Variants in MIGA2 observed in about 807,000 individuals in gnomAD.
MIGA2 encodes the protein mitoguardin 2.
In MIGA2, 36 loss-of-function variants were observed where a neutral mutation model predicts 69.9. That is an observed-to-expected ratio of 0.52 (90% CI 0.39 to 0.68). MIGA2 has a LOEUF of 0.68. Ranked by LOEUF, MIGA2 falls within the 30% of genes least tolerant of loss-of-function variation. The probability of loss-of-function intolerance (pLI) is 0.00; values close to 1 mark genes in which losing one functional copy is unlikely to be tolerated. For synonymous variants in MIGA2, 333 were observed against 349.2 expected, an observed-to-expected ratio of 0.95 and a Z score of 0.52; for missense variants, 660 against 787.7, an observed-to-expected ratio of 0.84 and a Z score of 1.94.
chr9:129,037,876 A>C (rs1243580370), intron 1 of MIGA2, among the ~76,000 whole-genome samples: 1 of 152,116 alleles, frequency 6.6e-6, no homozygotes. Flanking sequence ...GTACTCGGTG[A>C]CCTCAGGCAG....
chr9:129,041,432 T>G (rs1844899888), intron 2 of MIGA2, among the ~76,000 whole-genome samples: 1 of 151,974 alleles, frequency 6.6e-6, no homozygotes, highest in African/African-American at 2.4e-5. Flanking sequence ...AAGCGGAGGT[T>G]GCAGTGAGTC....
chr9:129,052,371 C>T (rs1845594378), intron 6 of MIGA2, among the ~76,000 whole-genome samples: 2 of 152,090 alleles, frequency 1.3e-5, no homozygotes, highest in South Asian at 4.1e-4. Flanking sequence ...GATCCACCCG[C>T]CTCGGCCTCC....
At chr9:129,058,136 C>T (rs921807595) in intron 6 of MIGA2, among the ~76,000 whole-genome samples, 7 of 151,964 alleles carry the variant, frequency 4.6e-5, no homozygotes. Context: ...GTGGCTCACA[C>T]CTCTAATCCT....
rs1231546356 is a variant in MIGA2, at chr9:129,060,363, T to C, written c.794-187T>C. ...GTGGGTGTTGAAGGAGGTCACTCAC[T>C]GAGGCGAGGAGTCCAGCGTCCTCAC... On this transcript the variant is annotated intron_variant, in intron 7 of 15. Coordinates refer to ENST00000684074, the MANE Select transcript of MIGA2 (RefSeq NM_001329990.2). The surrounding 1 kb of genome is among the most constrained non-coding windows in gnomAD (Gnocchi z 4.8). 2 of 540,660 alleles carry C rather than the reference T, an allele frequency of 3.7e-6. No homozygotes were observed. Among genetic ancestry groups the C allele is most frequent in the South Asian group, 4.5e-5 (2 of 44,840 alleles). The allele number at this position is 540,660 out of a possible 1,614,324, so 33.5% of individuals were successfully genotyped here.
At chr9:129,064,339 T>C (rs1588411099) in intron 11 of MIGA2, among the ~76,000 whole-genome samples, 1 of 152,106 alleles carries the variant, frequency 6.6e-6, no homozygotes, top group East Asian at 1.9e-4. Flanking sequence ...CCCGAGTAGC[T>C]GGGACTACAG....
chr9:129,044,205 G>T (rs867058352), intron 3 of MIGA2, among the ~76,000 whole-genome samples: 1 of 151,544 alleles, frequency 6.6e-6, no homozygotes, highest in Non-Finnish European at 1.5e-5. Context: ...TGTTAGCCAG[G>T]CTGGTCTCGA....
At position 129,036,639 on chromosome 9, in the gene MIGA2, C is replaced by T. The variant is rs142576457; in HGVS notation, c.-186C>T. The T allele has an allele frequency of 8.9e-3, 1,468 of 165,658 alleles. 9 individuals carry two copies. Among genetic ancestry groups the T allele is most frequent in the Non-Finnish European group, 0.015 (1,034 of 68,144 alleles). The allele number at this position is 165,658 out of a possible 1,614,324, so 10.3% of individuals were successfully genotyped here. ...GGCGGCCGGTTTGGTTGCGCAGCCG[C>T]CGGGGAAGGAGACGCTGCCCTTCCG... On this transcript the variant is annotated 5_prime_UTR_variant, in exon 1 of 16. Transcript: ENST00000684074.
At position 129,048,488 on chromosome 9, in the gene MIGA2, C is replaced by A. The variant is rs979039946; in HGVS notation, c.369C>A (p.Ile123=). ...SSKSNDTLSG[I]SSIEPSKHSG... ...AGAGCAACGACACCCTGAGTGGCAT[C>A]TCTTCCATTGAGCCCAGCAAGCACT... Residue 123 remains isoleucine, a synonymous_variant, in exon 4 of 16, where the codon ATC becomes ATA. Transcript: ENST00000684074. The A allele has an allele frequency of 6.2e-7, 1 of 1,614,012 alleles. No homozygotes were observed. Among genetic ancestry groups the A allele is most frequent in the East Asian group, 2.2e-5 (1 of 44,896 alleles).
intron 10 of MIGA2, 42 bp from the exon 11 acceptor site, chr9:129,063,503 C>T (rs1588409291): frequency 1.2e-6 from 2 of 1,607,932 alleles, no homozygotes; most frequent in Non-Finnish European, 1.7e-6. Context: ...TGAGGGACTG[C>T]CGTGCCCGGC....
intron 1 of MIGA2, chr9:129,037,074 C>G: frequency 1.0e-6 from 1 of 999,708 alleles, no homozygotes. Flanking sequence ...GCCCAAGATG[C>G]CTGGGGTGGA....
intron 6 of MIGA2, among the ~76,000 whole-genome samples, chr9:129,056,024 A>C (rs1005647633): frequency 1.3e-5 from 2 of 150,514 alleles, no homozygotes; most frequent in Non-Finnish European, 2.9e-5. Context: ...GGTGGTGGGC[A>C]CCTGTAGCCC....
intron 11 of MIGA2, among the ~76,000 whole-genome samples, chr9:129,065,173 C>T (rs1035026066): frequency 6.6e-6 from 1 of 151,224 alleles, no homozygotes; most frequent in Non-Finnish European, 1.5e-5. Context: ...TGGTGGCTTG[C>T]GCTTGTAATC....
chr9:129,048,581 C>T (rs775999036), intron 4 of MIGA2, 42 bp downstream of exon 4: 1 of 1,519,556 alleles, frequency 6.6e-7, no homozygotes, highest in Non-Finnish European at 9.1e-7. Context: ...CAGGTCCGGG[C>T]TTACCCCTGC....
Position 129,070,290 on chromosome 9 carries a change from A to G in MIGA2, c.1619A>G (p.Asn540Ser). 2 of 1,613,130 alleles carry G rather than the reference A, an allele frequency of 1.2e-6. No individual in the cohort carries two copies. Among genetic ancestry groups the G allele is most frequent in the Non-Finnish European group, 1.7e-6 (2 of 1,179,998 alleles). The part of the protein sequence containing the change: ...QYLRDMFDLD[N>S]VRYTSLPALA... ...CTGAGGGACATGTTCGACCTGGACA[A>G]TGTGCGCTACACGTCACTGCCCGCG... Residue 540 changes from asparagine (N) to serine (S), a missense_variant, in exon 16 of 16, where the codon AAT (asparagine) becomes AGT (serine). Asn to Ser is a conservative substitution (Grantham distance 46). This residue lies in a region of MIGA2 where 220 missense variants were observed against 301.7 expected (regional missense o/e 0.73). Coordinates refer to ENST00000684074, the MANE Select transcript of MIGA2 (RefSeq NM_001329990.2).
intron 11 of MIGA2, among the ~76,000 whole-genome samples, chr9:129,064,700 C>T (rs1846248446): frequency 1.3e-5 from 2 of 151,966 alleles, no homozygotes; most frequent in African/African-American, 2.4e-5. Flanking sequence ...GGCTGAAGGG[C>T]CTGCTTCTAG....
intron 3 of MIGA2, among the ~76,000 whole-genome samples, chr9:129,043,147 T>G (rs1488406072): frequency 1.3e-5 from 2 of 151,740 alleles, no homozygotes; most frequent in Non-Finnish European, 2.9e-5. Context: ...TGAGCCGAGA[T>G]TGCGCCACTG....
intron 4 of MIGA2, among the ~76,000 whole-genome samples, chr9:129,049,037 A>G (rs1440463862): frequency 6.6e-6 from 1 of 152,176 alleles, no homozygotes. Flanking sequence ...CTGGCACAGA[A>G]TGGGTACTCT....
rs115109330 is a variant in MIGA2, at chr9:129,040,245, C to T, written c.-143-207C>T. ...CTGGCTGGCCAGAGATGTTTCCGCT[C>T]GCAGGGCCCCTGGTAGGCAGAGGGT... On this transcript the variant is annotated intron_variant, in intron 1 of 15. Transcript: ENST00000684074. 2.3e-3 allele frequency among the ~76,000 whole-genome samples: 348 copies of T among 152,296 alleles called. 3 individuals carry two copies. Among genetic ancestry groups the T allele is most frequent in the African/African-American group, 7.8e-3 (325 of 41,566 alleles).
chr9:129,037,547 A>C (rs1844660920), intron 1 of MIGA2, among the ~76,000 whole-genome samples: 1 of 152,066 alleles, frequency 6.6e-6, no homozygotes, highest in African/African-American at 2.4e-5. Flanking sequence ...AGGGGGACGG[A>C]CACAGTGTGG....
Sources: gnomAD v4.1 joint callset for allele counts (sites outside exome capture counted in the v4.1 genomes callset) on GRCh38, gnomAD v4.1.1 for gene constraint, gnomAD v4.1.1 regional missense constraint, Gnocchi (gnomAD v3.1) non-coding constraint, MANE v1.5 for transcripts, NCBI Gene and HGNC (gene_info 2026-07-23, HGNC 2026-07-21) for gene names.